Variants in ANKRD26 observed in about 807,000 individuals in gnomAD.
The protein encoded by ANKRD26 is ankyrin repeat domain-containing protein 26.
In ANKRD26, 141 loss-of-function variants were observed where a neutral mutation model predicts 208.7. The observed-to-expected ratio is 0.68, with a 90% CI of 0.59 to 0.78. The LOEUF (loss-of-function observed/expected upper bound fraction) is 0.78, where lower values mean the gene tolerates loss of function less well. Ranked by LOEUF, ANKRD26 falls within the 30% of genes least tolerant of loss-of-function variation. The pLI is 0.00. For synonymous variants in ANKRD26, 636 were observed against 660.4 expected, an observed-to-expected ratio of 0.96 and a Z score of 0.57; for missense variants, 1,889 against 1,938.7, an observed-to-expected ratio of 0.97 and a Z score of 0.48.
At chr10:27,098,950 C>T (rs2056556315) in intron 1 of ANKRD26, among the ~76,000 whole-genome samples, 1 of 152,206 alleles carries the variant, frequency 6.6e-6, no homozygotes, top group Non-Finnish European at 1.5e-5. Flanking sequence ...AGTATATCCT[C>T]ACATGCCAAT....
At chr10:27,060,156 T>G (rs972983901) in intron 15 of ANKRD26, among the ~76,000 whole-genome samples, 189 bp downstream of exon 15, 1 of 152,142 alleles carries the variant, frequency 6.6e-6, no homozygotes, top group East Asian at 1.9e-4. Flanking sequence ...TGAGCCGAGA[T>G]CACGCCACTG....
intron 15 of ANKRD26, among the ~76,000 whole-genome samples, chr10:27,058,324 T>G (rs1305203361): frequency 2.0e-5 from 3 of 152,176 alleles, no homozygotes; most frequent in Non-Finnish European, 4.4e-5. Flanking sequence ...ATAATATATT[T>G]GACATTTTCA....
intron 4 of ANKRD26, among the ~76,000 whole-genome samples, chr10:26,997,075 CG>C (rs1273773488): frequency 6.7e-6 from 1 of 149,076 alleles, no homozygotes; most frequent in Non-Finnish European, 1.5e-5. Flanking sequence ...AAAAAATATA[CG>C]GTCATTATGG....
chr10:27,029,611 A>T (rs557640369), intron 25 of ANKRD26, among the ~76,000 whole-genome samples: 1 of 152,232 alleles, frequency 6.6e-6, no homozygotes, highest in Non-Finnish European at 1.5e-5. Context: ...GAACTAAAAC[A>T]TATTACTCTT....
In ANKRD26 at chr10:27,035,044, A is replaced by G. The variant is rs1252329929; in HGVS notation, c.3406T>C (p.Leu1136=). Residue 1136 remains leucine (L), a synonymous_variant, in exon 24 of 34, where the codon TTG becomes CTG. Coordinates refer to ENST00000376087, the MANE Select transcript of ANKRD26 (RefSeq NM_014915.3). ...ATATTCTCACTTTGTAGTTGAGACA[A>G]TCTCTCCTCTACAGACTCCTGCTTT... ...IGKQESVEER[L]SQLQSENMLL... The G allele has an allele frequency of 1.9e-6, 3 of 1,613,722 alleles. No individual in the cohort carries two copies. Among genetic ancestry groups the G allele is most frequent in the Non-Finnish European group, 2.5e-6 (3 of 1,179,820 alleles).
At chr10:26,998,223 AC>A in intron 4 of ANKRD26, among the ~76,000 whole-genome samples, 1 of 152,154 alleles carries the variant, frequency 6.6e-6, no homozygotes, top group South Asian at 2.1e-4. Context: ...CAATCAGCTG[AC>A]ATCTTGCAAT....
chr10:26,998,638 G>A (rs1040365874), intron 4 of ANKRD26, among the ~76,000 whole-genome samples: 18 of 152,198 alleles, frequency 1.2e-4, no homozygotes, highest in Admixed American at 1.0e-3. Flanking sequence ...ACTGTGCTTC[G>A]CAGCTCAGCC....
Position 27,067,289 on chromosome 10 carries a change from A to G in ANKRD26, c.1078-3T>C, listed in dbSNP as rs1199385946. On this transcript the variant is annotated splice_polypyrimidine_tract_variant and splice_region_variant and intron_variant, in intron 9 of 33. Coordinates refer to ENST00000376087, the MANE Select transcript of ANKRD26 (RefSeq NM_014915.3). Reference sequence around the variant, plus strand: ...ATGCCTGGCTTTGTTGGTTCTTCCTATTAAAAACAAAAACAAACAAACAAA... The same window carrying G: ...ATGCCTGGCTTTGTTGGTTCTTCCTGTTAAAAACAAAAACAAACAAACAAA... The G allele has an allele frequency of 6.2e-7, 1 of 1,612,246 alleles. No homozygotes were observed. Among genetic ancestry groups the G allele is most frequent in the Non-Finnish European group, 8.5e-7 (1 of 1,179,660 alleles).
At chr10:26,982,571 T>A (rs1473480455) in intron 4 of ANKRD26, among the ~76,000 whole-genome samples, 3 of 152,014 alleles carry the variant, frequency 2.0e-5, no homozygotes, top group South Asian at 4.2e-4. Flanking sequence ...AGGCTCATTC[T>A]TAGGTGGTCT....
In ANKRD26 at chr10:27,097,284, G is replaced by C. The variant is rs140835266; in HGVS notation, c.242+2801C>G. ...AGGTCAGGAGATCGAGACCACCCTG[G>C]CTAACACAGTGAAACCCTGTCTCTA... On this transcript the variant is annotated intron_variant, in intron 1 of 33. Transcript: ENST00000376087. Among the ~76,000 whole-genome samples, 736 of 151,004 alleles carry C rather than the reference G, an allele frequency of 4.9e-3. 7 individuals are homozygous for C. The highest frequency in any genetic ancestry group is 0.022 in the South Asian group (107 of 4,808).
intron 4 of ANKRD26, among the ~76,000 whole-genome samples, chr10:26,998,282 C>T (rs1449601511): frequency 6.6e-6 from 1 of 152,164 alleles, no homozygotes. Flanking sequence ...TAATCTGATT[C>T]TTTTGGGTTC....
downstream of ANKRD26, among the ~76,000 whole-genome samples, chr10:26,991,116 G>A (rs1262883491): frequency 6.6e-6 from 1 of 151,708 alleles, no homozygotes; most frequent in Non-Finnish European, 1.5e-5. Flanking sequence ...AACAAAATTG[G>A]GGAGGTCAGG....
intron 9 of ANKRD26, among the ~76,000 whole-genome samples, chr10:27,068,536 C>T (rs779609092): frequency 1.8e-4 from 28 of 152,010 alleles, no homozygotes; most frequent in Admixed American, 1.3e-3. Context: ...TGAAACAACA[C>T]GACAAATGAG....
chr10:27,058,861 G>C (rs1022447718), intron 15 of ANKRD26, among the ~76,000 whole-genome samples: 1 of 150,732 alleles, frequency 6.6e-6, no homozygotes, highest in East Asian at 2.0e-4. Context: ...TAGGCGTGAG[G>C]CACCGCGCCC....
chr10:27,070,856 A>T (rs2055460983), intron 9 of ANKRD26, among the ~76,000 whole-genome samples: 1 of 151,904 alleles, frequency 6.6e-6, no homozygotes, highest in African/African-American at 2.4e-5. Context: ...TAGTAGAGAC[A>T]GGGTTTCACC....
At chr10:27,053,175 T>C (rs1442216977) in intron 16 of ANKRD26, 145 bp downstream of exon 16, 2 of 596,010 alleles carry the variant, frequency 3.4e-6, no homozygotes, top group Non-Finnish European at 5.7e-6. Context: ...TTTTAACTAG[T>C]CAAAACGTTT....
intron 16 of ANKRD26, among the ~76,000 whole-genome samples, chr10:27,052,971 T>C (rs1250228682): frequency 1.3e-5 from 2 of 152,204 alleles, no homozygotes; most frequent in Non-Finnish European, 2.9e-5. Flanking sequence ...AAAATGTTCA[T>C]AATTTCTACT....
chr10:27,056,066 A>G (rs1411973662), intron 15 of ANKRD26, among the ~76,000 whole-genome samples: 1 of 152,190 alleles, frequency 6.6e-6, no homozygotes, highest in Non-Finnish European at 1.5e-5. Flanking sequence ...TGTGATTCAT[A>G]GATTGTTTTT....
At chr10:27,067,399 G>T in intron 9 of ANKRD26, 113 bp from the exon 10 acceptor site, 1 of 1,246,120 alleles carries the variant, frequency 8.0e-7, no homozygotes, top group Non-Finnish European at 1.1e-6. Flanking sequence ...AGAAATACCT[G>T]GTCATCCAAG....
Sources: allele counts gnomAD v4.1 joint callset (sites outside exome capture counted in the v4.1 genomes callset), GRCh38; gene constraint gnomAD v4.1.1; transcripts MANE v1.5; gene names NCBI Gene and HGNC (gene_info 2026-07-23, HGNC 2026-07-21).